Variants in SLC1A2 observed in about 807,000 individuals in gnomAD.
The protein encoded by SLC1A2 is solute carrier family 1 member 2, also known as excitatory amino acid transporter 2.
Under a neutral mutation model 48.8 loss-of-function variants are expected in SLC1A2, and 15 were observed. The observed-to-expected ratio is 0.31, with a 90% confidence interval of 0.21 to 0.47. SLC1A2 has a LOEUF of 0.47. Among genes scored for constraint, SLC1A2 ranks in the 20% least tolerant of loss-of-function variants. The pLI is 0.99. For missense variants in SLC1A2, 502 were observed against 730.5 expected, an observed-to-expected ratio of 0.69 and a Z score of 3.61; for synonymous variants, 279 against 272.6, an observed-to-expected ratio of 1.02 and a Z score of -0.23.
chr11:35,288,321 G>T (rs1474858111), intron 7 of SLC1A2, among the ~76,000 whole-genome samples: 1 of 152,176 alleles, frequency 6.6e-6, no homozygotes, highest in Non-Finnish European at 1.5e-5. Context: ...TCTGGGGTAG[G>T]AAGAAGAATT....
intron 1 of SLC1A2, among the ~76,000 whole-genome samples, chr11:35,374,007 A>T (rs1316304017): frequency 6.6e-6 from 1 of 152,228 alleles, no homozygotes; most frequent in Admixed American, 6.5e-5. Flanking sequence ...TGAGCAAGTT[A>T]CTTAAACTCT....
At chr11:35,346,498 C>T (rs1853040706) in intron 1 of SLC1A2, among the ~76,000 whole-genome samples, 1 of 152,244 alleles carries the variant, frequency 6.6e-6, no homozygotes, top group Non-Finnish European at 1.5e-5. Context: ...GATACAGTGA[C>T]TGGGACTCAG....
intron 8 of SLC1A2, 86 bp from the exon 9 acceptor site, chr11:35,281,087 G>A (rs1591422184): frequency 2.1e-6 from 3 of 1,435,866 alleles, no homozygotes; most frequent in African/African-American, 2.9e-5. Flanking sequence ...TAATTTTCCT[G>A]CAGCCATAAA....
chr11:35,360,601 A>G (rs1189370368), intron 1 of SLC1A2, among the ~76,000 whole-genome samples: 1 of 152,192 alleles, frequency 6.6e-6, no homozygotes, highest in Non-Finnish European at 1.5e-5. Flanking sequence ...AGCTCATTTT[A>G]AGGCCCAGAG....
chr11:35,367,976 C>T (rs907440467), intron 1 of SLC1A2, among the ~76,000 whole-genome samples: 1 of 152,198 alleles, frequency 6.6e-6, no homozygotes, highest in African/African-American at 2.4e-5. Context: ...TGCTAAGCCT[C>T]TGCTATCTGC....
At position 35,297,260 on chromosome 11, in the gene SLC1A2, C is replaced by T. The variant is rs78753510; in HGVS notation, c.857+4259G>A. 2.4e-3 allele frequency among the ~76,000 whole-genome samples: 363 copies of T among 152,276 alleles called. 2 individuals carry two copies. The highest frequency in any genetic ancestry group is 8.3e-3 in the African/African-American group (343 of 41,556). On this transcript the variant is annotated intron_variant, in intron 6 of 10. Coordinates refer to ENST00000278379, the MANE Select transcript of SLC1A2 (RefSeq NM_004171.4). ...CATCCTCTCCTGGACGATGTTTGGT[C>T]ACCCTGTGGCCTTCAGCTAGAATCC...
At chr11:35,274,301 G>A (rs566501141) in intron 9 of SLC1A2, among the ~76,000 whole-genome samples, 1 of 152,020 alleles carries the variant, frequency 6.6e-6, no homozygotes, top group Non-Finnish European at 1.5e-5. Flanking sequence ...GCCCCATCCC[G>A]CCTTGATCTG....
In SLC1A2 at chr11:35,298,193, A is replaced by G. The variant is rs539992822; in HGVS notation, c.857+3326T>C. 7 of 152,344 alleles carry G rather than the reference A, an allele frequency of 4.6e-5. No homozygotes were observed. The South Asian group carries it at 1.0e-3, about 23-fold the overall frequency. The allele number at this position is 152,344 out of a possible 1,614,324, so 9.4% of individuals were successfully genotyped here. ...ATGCATGTAAAACAATTGGAATAAT[A>G]TTAAGTATTTAGCAGGAATTTGGTA... On this transcript the variant is annotated intron_variant, in intron 6 of 10. Transcript: ENST00000278379.
Position 35,419,046 on chromosome 11 carries a change from G to T in SLC1A2, c.-80C>A, listed in dbSNP as rs1590300965. ...AGAAAGCGGACGCCGGGGTGAGCGC[G>T]AAGTGCGGCCGGGAGCGGTATTTAA... is the stretch of plus-strand genomic sequence containing the variant. On this transcript the variant is annotated 5_prime_UTR_variant, in exon 1 of 11. Transcript: ENST00000278379. The surrounding 1 kb of genome is among the most constrained non-coding windows in gnomAD (Gnocchi z 5.4). The T allele has an allele frequency of 7.5e-7, 1 of 1,340,220 alleles. No individual in the cohort carries two copies. The highest frequency in any genetic ancestry group is 1.0e-6 in the Non-Finnish European group (1 of 963,846). 83.0% of individuals were successfully genotyped at this position (1,340,220 alleles called of 1,614,324 possible). A position where few individuals can be genotyped will look rare whatever the true frequency, so the allele number is the denominator to read the frequency against.
In SLC1A2 at chr11:35,256,483, A is replaced by G. The variant is rs566418679; in HGVS notation, c.*4411T>C. 11 of 152,708 alleles carry G rather than the reference A, an allele frequency of 7.2e-5. No homozygotes were observed. The highest frequency in any genetic ancestry group is 2.6e-4 in the African/African-American group (11 of 41,558). 9.5% of individuals were successfully genotyped at this position (152,708 alleles called of 1,614,324 possible). On this transcript the variant is annotated 3_prime_UTR_variant, in exon 11 of 11. Transcript: ENST00000278379. ...TATGCTAGGAGAACAATCTGCCTCT[A>G]GTGCCACCTGCTTGGATTGGCACTC...
chr11:35,338,350 G>T (rs537692628), intron 1 of SLC1A2, among the ~76,000 whole-genome samples: 7 of 152,046 alleles, frequency 4.6e-5, no homozygotes, highest in Non-Finnish European at 8.8e-5. Flanking sequence ...CTACTCTTTT[G>T]GTTCTATCCT....
chr11:35,361,902 G>A (rs886998806), intron 1 of SLC1A2, among the ~76,000 whole-genome samples: 3 of 152,112 alleles, frequency 2.0e-5, no homozygotes, highest in African/African-American at 4.8e-5. Context: ...CTTGAGCCTG[G>A]GAGGTTGAGG....
At chr11:35,342,764 C>T (rs906714068) in intron 1 of SLC1A2, among the ~76,000 whole-genome samples, 5 of 151,040 alleles carry the variant, frequency 3.3e-5, no homozygotes, top group Admixed American at 6.6e-5. Flanking sequence ...CCAGCCTGGG[C>T]GCGACAGAGT....
chr11:35,322,292 G>A (rs375409808), intron 1 of SLC1A2, among the ~76,000 whole-genome samples: 2 of 152,140 alleles, frequency 1.3e-5, no homozygotes, highest in African/African-American at 4.8e-5. Context: ...TGGGGCTAAC[G>A]CTAAGTTTTA....
intron 1 of SLC1A2, among the ~76,000 whole-genome samples, chr11:35,348,199 T>G (rs1047125878): frequency 1.3e-5 from 2 of 151,788 alleles, no homozygotes; most frequent in Non-Finnish European, 2.9e-5. Context: ...TGTCAACTGG[T>G]GCAATGGCCA....
chr11:35,280,745 G>T, intron 9 of SLC1A2, 122 bp downstream of exon 9: 2 of 608,676 alleles, frequency 3.3e-6, no homozygotes, highest in Non-Finnish European at 5.8e-6. Context: ...CGGGAAGGAG[G>T]AAGGAAGAGT....
intron 1 of SLC1A2, among the ~76,000 whole-genome samples, chr11:35,358,478 A>G (rs1853561592): frequency 6.6e-6 from 1 of 152,238 alleles, no homozygotes; most frequent in Admixed American, 6.5e-5. Flanking sequence ...ATATTATTGT[A>G]GCAAGGAAAA....
At chr11:35,357,767 A>G (rs1026397035) in intron 1 of SLC1A2, among the ~76,000 whole-genome samples, 28 of 152,248 alleles carry the variant, frequency 1.8e-4, no homozygotes, top group African/African-American at 6.5e-4. Flanking sequence ...AAGAGTGACC[A>G]TTAGGACAAC....
At chr11:35,347,442 A>G (rs570859827) in intron 1 of SLC1A2, among the ~76,000 whole-genome samples, 1 of 152,256 alleles carries the variant, frequency 6.6e-6, no homozygotes, top group African/African-American at 2.4e-5. Context: ...TCTCATGGGC[A>G]AAGTCCAAAT....
Sources: gnomAD v4.1 joint callset for allele counts (sites outside exome capture counted in the v4.1 genomes callset) on GRCh38, gnomAD v4.1.1 for gene constraint, Gnocchi (gnomAD v3.1) non-coding constraint, MANE v1.5 for transcripts, NCBI Gene and HGNC (gene_info 2026-07-23, HGNC 2026-07-21) for gene names.